Variants in RUSC1 observed in about 807,000 individuals in gnomAD.
RUSC1 encodes the protein AP-4 complex accessory subunit RUSC1.
Under a neutral mutation model 72.1 loss-of-function variants are expected in RUSC1, and 40 were observed. The ratio of observed to expected loss-of-function variants is 0.55; its 90% confidence interval spans 0.43 to 0.72. RUSC1 has a LOEUF of 0.72. Ranked by LOEUF, RUSC1 falls within the 30% of genes least tolerant of loss-of-function variation. RUSC1 has a pLI of 0.00. For synonymous variants in RUSC1, 512 were observed against 494.2 expected, an observed-to-expected ratio of 1.04 and a Z score of -0.48; for missense variants, 1,092 against 1,172.3, an observed-to-expected ratio of 0.93 and a Z score of 1.00.
intron 2 of RUSC1, chr1:155,323,883 C>T: frequency 1.0e-6 from 1 of 986,266 alleles, no homozygotes; most frequent in Non-Finnish European, 1.2e-6. Context: ...TCGCCCGGCC[C>T]CGTTTTCGCT....
rs779302316 is a variant in RUSC1, at chr1:155,324,827, C to T, written c.1358-18C>T. On this transcript the variant is annotated intron_variant, in intron 2 of 9. Coordinates refer to ENST00000368352, the MANE Select transcript of RUSC1 (RefSeq NM_001105203.2). Reference sequence around the variant, plus strand: ...AACACTTGGTAAGTGTTACCGCGCCCTTCTTCCCTTACGCCAGTCCGTAGT... The same window carrying T: ...AACACTTGGTAAGTGTTACCGCGCCTTTCTTCCCTTACGCCAGTCCGTAGT... 6.2e-7 allele frequency: 1 copy of T among 1,614,258 alleles called. No homozygotes were observed. Among genetic ancestry groups the T allele is most frequent in the South Asian group, 1.1e-5 (1 of 91,086 alleles).
chr1:155,322,595 C>G lies in RUSC1; in HGVS notation c.822C>G (p.Asp274Glu). 2.5e-6 allele frequency: 4 copies of G among 1,614,242 alleles called. No individual in the cohort carries two copies. Among genetic ancestry groups the G allele is most frequent in the Non-Finnish European group, 3.4e-6 (4 of 1,180,048 alleles). Residue 274 changes from aspartate (D) to glutamate (E), a missense_variant, in exon 2 of 10, where the codon GAC becomes GAG. Physicochemically the swap from Asp to Glu is conservative, Grantham distance 45 (BLOSUM62 2). Coordinates refer to ENST00000368352, the MANE Select transcript of RUSC1 (RefSeq NM_001105203.2). ...GGAAAAGTGAACCTGAAAAATTCGA[C>G]TCTGGTTGGAAAACCAACACAAGAA... ...SSWKSEPEKF[D>E]SGWKTNTRIT... is the part of the protein sequence containing the mutation.
Position 155,323,120 on chromosome 1 carries a change from C to T in RUSC1, c.1347C>T (p.Ala449=). Residue 449 remains alanine (A), a synonymous_variant, in exon 2 of 10, where the codon GCC becomes GCT. Coordinates refer to ENST00000368352, the MANE Select transcript of RUSC1 (RefSeq NM_001105203.2). ...CCGCGAAGGAGCCGGGCGCGCAGGC[C>T]GGCCTGGAGGGTAAGAGGTCGCAAG... ...APAAKEPGAQ[A]GLEVRSSWSF... The T allele has an allele frequency of 7.1e-7, 1 of 1,417,772 alleles. No individual in the cohort carries two copies. The highest frequency in any genetic ancestry group is 9.2e-7 in the Non-Finnish European group (1 of 1,091,592). 87.8% of individuals were successfully genotyped at this position (1,417,772 alleles called of 1,614,324 possible).
At chr1:155,324,658 T>G in intron 2 of RUSC1, 187 bp from the exon 3 acceptor site, 1 of 1,527,708 alleles carries the variant, frequency 6.5e-7, no homozygotes, top group Non-Finnish European at 8.8e-7. Flanking sequence ...TGCTGGGAAG[T>G]GTGCGAGATT....
intron 9 of RUSC1, among the ~76,000 whole-genome samples, chr1:155,328,933 G>A (rs891686913): frequency 3.3e-5 from 5 of 152,048 alleles, no homozygotes; most frequent in Admixed American, 1.3e-4. Flanking sequence ...GGGTTTCACC[G>A]TGTTGCCCAG....
At chr1:155,321,051 G>A (rs1294496857) in intron 1 of RUSC1, 60 bp downstream of exon 1, 2 of 1,450,436 alleles carry the variant, frequency 1.4e-6, no homozygotes, top group Admixed American at 3.6e-5. Context: ...GGGCGGGGCA[G>A]GACAAGGGAG....
chr1:155,325,694 G>A lies in RUSC1; in HGVS notation c.1814+22G>A. The A allele has an allele frequency of 6.2e-7, 1 of 1,612,242 alleles. No individual in the cohort carries two copies. On this transcript the variant is annotated intron_variant, in intron 6 of 9. Transcript: ENST00000368352. The surrounding 1 kb of genome is among the most constrained non-coding windows in gnomAD (Gnocchi z 6.5). ...TCAAGTGAGTTGCCTTCTTTCCAGT[G>A]CCCTTCCCACGACCTGGGACTGCAG... is the stretch of plus-strand genomic sequence containing the variant.
At chr1:155,328,020 C>T in intron 8 of RUSC1, 130 bp from the exon 9 acceptor site, 1 of 1,190,316 alleles carries the variant, frequency 8.4e-7, no homozygotes, top group Non-Finnish European at 1.2e-6. Context: ...ACTCTGCCCT[C>T]AGCAGTGACT....
intron 3 of RUSC1, 27 bp downstream of exon 3, chr1:155,324,970 C>T (rs1651151383): frequency 6.2e-7 from 1 of 1,614,082 alleles, no homozygotes; most frequent in Non-Finnish European, 8.5e-7. Flanking sequence ...CCCGACCCCG[C>T]GCTTCCGAAT....
rs1458337883 is a variant in RUSC1 at position 155,329,507 on chromosome 1, C to T, written c.2541-896C>T. ...TCCTGGGTTCAAGTGATTCTCCTGC[C>T]TCAGCCTCCTGAGTAGCTGGGACTA... is the stretch of plus-strand genomic sequence containing the variant. On this transcript the variant is annotated intron_variant, in intron 9 of 9. Transcript: ENST00000368352. Among the ~76,000 whole-genome samples, 16 of 151,734 alleles carry T rather than the reference C, an allele frequency of 1.1e-4. 1 individual carries two copies. Among genetic ancestry groups the T allele is most frequent in the African/African-American group, 3.9e-4 (16 of 41,352 alleles).
rs775389115 is a variant in RUSC1 at position 155,321,742 on chromosome 1, T to G, written c.-32T>G. ...ATGTGAGAGACCCTACCCTTCTGGTTCTCTAGAAGCCATCCCATCGCCGCT... is the reference window on the plus strand; with the variant it reads ...ATGTGAGAGACCCTACCCTTCTGGTGCTCTAGAAGCCATCCCATCGCCGCT... On this transcript the variant is annotated 5_prime_UTR_variant, in exon 2 of 10. Transcript: ENST00000368352. The G allele has an allele frequency of 6.2e-7, 1 of 1,612,954 alleles. No homozygotes were observed. Among genetic ancestry groups the G allele is most frequent in the South Asian group, 1.1e-5 (1 of 90,962 alleles).
At position 155,325,834 on chromosome 1, in the gene RUSC1, T is replaced by C. The variant is rs923506990; in HGVS notation, c.1815-30T>C. On this transcript the variant is annotated intron_variant, in intron 6 of 9. Transcript: ENST00000368352. This position sits in a 1 kb window ranked among gnomAD's most constrained non-coding sequence, Gnocchi z 6.5. ...AGAGGACTGGAGTCCTCCACCTCCC[T>C]GAACTTCCATTCCCTCTTTTCTCCC... 3 of 1,613,620 alleles carry C rather than the reference T, an allele frequency of 1.9e-6. No homozygotes were observed. Among genetic ancestry groups the C allele is most frequent in the Non-Finnish European group, 2.5e-6 (3 of 1,179,718 alleles).
At chr1:155,321,589 C>A in intron 1 of RUSC1, 99 bp from the exon 2 acceptor site, 1 of 1,271,298 alleles carries the variant, frequency 7.9e-7, no homozygotes, top group Non-Finnish European at 1.1e-6. Flanking sequence ...TCCAAAGCAG[C>A]CAGAGCCTTC....
Position 155,322,102 on chromosome 1 carries a change from C to T in RUSC1, c.329C>T (p.Ser110Leu), listed in dbSNP as rs1570884380. The T allele has an allele frequency of 1.9e-6, 3 of 1,613,122 alleles. 1 individual carries two copies. The highest frequency in any genetic ancestry group is 1.7e-6 in the Non-Finnish European group (2 of 1,179,356). The change falls in exon 2 of 10, where the codon TCA becomes TTA. Residue 110 changes from serine (S) to leucine (L), a missense_variant. By Grantham distance (145) the Ser-to-Leu change is moderately radical. Coordinates refer to ENST00000368352, the MANE Select transcript of RUSC1 (RefSeq NM_001105203.2). ...TGCTCCTCCTCACTCAGCTCCTGCTCAGATCTTAGCCCCGATGAGTCCCCT... is the reference window on the plus strand; with the variant it reads ...TGCTCCTCCTCACTCAGCTCCTGCTTAGATCTTAGCCCCGATGAGTCCCCT... ...PGCSSSLSSC[S>L]DLSPDESPVS...
rs1284416107 is a variant in RUSC1 at position 155,325,609 on chromosome 1, G to A, written c.1751G>A (p.Ser584Asn). Residue 584 changes from serine to asparagine, a missense_variant, in exon 6 of 10, where the codon AGC (serine) becomes AAC (asparagine). Coordinates refer to ENST00000368352, the MANE Select transcript of RUSC1 (RefSeq NM_001105203.2). The surrounding 1 kb of genome is among the most constrained non-coding windows in gnomAD (Gnocchi z 6.5). ...RSLGTLYSQV[S>N]RLAPLSSSRS... is the part of the protein sequence containing the mutation. ...CTTGGAACCCTGTATAGCCAGGTCAGCCGTCTAGCCCCGCTGAGCAGCAGC... is the reference window on the plus strand; with the variant it reads ...CTTGGAACCCTGTATAGCCAGGTCAACCGTCTAGCCCCGCTGAGCAGCAGC... 1.9e-6 allele frequency: 3 copies of A among 1,612,534 alleles called. No homozygotes were observed. The African/African-American group carries it at 4.0e-5, about 22-fold the overall frequency.
chr1:155,321,731 A>T lies in RUSC1; in HGVS notation c.-43A>T. On this transcript the variant is annotated 5_prime_UTR_variant, in exon 2 of 10. Coordinates refer to ENST00000368352, the MANE Select transcript of RUSC1 (RefSeq NM_001105203.2). ...CAGGTAGGTGGATGTGAGAGACCCT[A>T]CCCTTCTGGTTCTCTAGAAGCCATC... 1 of 1,609,850 alleles carries T rather than the reference A, an allele frequency of 6.2e-7. No homozygotes were observed. Among genetic ancestry groups the T allele is most frequent in the Non-Finnish European group, 8.5e-7 (1 of 1,177,256 alleles).
At position 155,325,528 on chromosome 1, in the gene RUSC1, G is replaced by T. The variant is rs1012019678; in HGVS notation, c.1708+38G>T. ...GGCGTGGGACCCGGCAGTGCGCAGG[G>T]CAGGGCCGGGCTTGGCTGACTGCAC... On this transcript the variant is annotated intron_variant, in intron 5 of 9. Coordinates refer to ENST00000368352, the MANE Select transcript of RUSC1 (RefSeq NM_001105203.2). The surrounding 1 kb of genome is among the most constrained non-coding windows in gnomAD (Gnocchi z 6.5). 5.6e-6 allele frequency: 9 copies of T among 1,605,460 alleles called. No homozygotes were observed. Among genetic ancestry groups the T allele is most frequent in the Non-Finnish European group, 7.6e-6 (9 of 1,179,104 alleles).
rs763084497 is a variant in RUSC1 at position 155,322,757 on chromosome 1, G to C, written c.984G>C (p.Gly328=). 9.9e-6 allele frequency: 16 copies of C among 1,614,032 alleles called. No homozygotes were observed. The highest frequency in any genetic ancestry group is 1.3e-5 in the Non-Finnish European group (15 of 1,179,924). ...CCCAGAAGCGCAAGCGGGGCCCAGGGCTGCCCCTTGTCCCGCAGGCGAAGA... is the reference window on the plus strand; with the variant it reads ...CCCAGAAGCGCAAGCGGGGCCCAGGCCTGCCCCTTGTCCCGCAGGCGAAGA... ...ELAQKRKRGP[G]LPLVPQAKKD... Residue 328 remains glycine (G), a synonymous_variant, in exon 2 of 10, where the codon GGG becomes GGC. Transcript: ENST00000368352.
In RUSC1 at chr1:155,322,296, G is replaced by A. The variant is rs769064250; in HGVS notation, c.523G>A (p.Asp175Asn). The change falls in exon 2 of 10, where the codon GAT becomes AAT. Residue 175 changes from aspartate to asparagine, a missense_variant. Physicochemically the swap from Asp to Asn is conservative, Grantham distance 23. Coordinates refer to ENST00000368352, the MANE Select transcript of RUSC1 (RefSeq NM_001105203.2). ...CTGCTCCGGAGCTTCTTCTTCACCC[G>A]ATCCTGGCCTGGACTCGAACTGCAA... is the stretch of plus-strand genomic sequence containing the variant. ...DSCSGASSSP[D>N]PGLDSNCNAL... The A allele has an allele frequency of 2.0e-5, 32 of 1,610,250 alleles. No homozygotes were observed. Among genetic ancestry groups the A allele is most frequent in the Middle Eastern group, 1.6e-4 (1 of 6,068 alleles).
Sources: allele counts gnomAD v4.1 joint callset (sites outside exome capture counted in the v4.1 genomes callset), GRCh38; gene constraint gnomAD v4.1.1; non-coding constraint Gnocchi (gnomAD v3.1); transcripts MANE v1.5; gene names NCBI Gene and HGNC (gene_info 2026-07-23, HGNC 2026-07-21).